BCAR3: variants seen among roughly 807,000 people sequenced by gnomAD.
BCAR3 encodes breast cancer anti-estrogen resistance protein 3.
A neutral mutation model predicts 80.1 loss-of-function variants in BCAR3; 37 were observed. The observed-to-expected ratio is 0.46, with a 90% CI of 0.36 to 0.61. The LOEUF is 0.61. Ranked by LOEUF, BCAR3 falls within the 20% of genes least tolerant of loss-of-function variation. The probability of loss-of-function intolerance (pLI) is 0.00; values close to 1 mark genes in which losing one functional copy is unlikely to be tolerated. For synonymous variants in BCAR3, 389 were observed against 418.9 expected, an observed-to-expected ratio of 0.93 and a Z score of 0.87; for missense variants, 978 against 1,068.2, an observed-to-expected ratio of 0.92 and a Z score of 1.18.
intron 2 of BCAR3, chr1:93,720,323 G>T (rs1290137941): frequency 6.6e-6 from 1 of 152,242 alleles, no homozygotes; most frequent in East Asian, 1.9e-4. Flanking sequence ...AAGACAAAGA[G>T]GGCAAGTTGA....
intron 2 of BCAR3, among the ~76,000 whole-genome samples, chr1:93,735,366 T>G (rs113038083): frequency 2.0e-5 from 3 of 152,160 alleles, no homozygotes; most frequent in African/African-American, 7.2e-5. Context: ...CCTCTCCCAC[T>G]CCTCACATGG....
chr1:93,721,864 C>A (rs1322914972), intron 2 of BCAR3, among the ~76,000 whole-genome samples: 1 of 152,194 alleles, frequency 6.6e-6, no homozygotes, highest in Non-Finnish European at 1.5e-5. Context: ...TGGCTCTGGC[C>A]AGGTTAGGAG....
intron 3 of BCAR3, among the ~76,000 whole-genome samples, chr1:93,697,207 T>C (rs2101969030): frequency 6.6e-6 from 1 of 152,348 alleles, no homozygotes; most frequent in South Asian, 2.1e-4. Flanking sequence ...GGCAGGGATG[T>C]GCATGTGAGT....
chr1:93,828,022 T>C (rs1654430022), intron 2 of BCAR3, among the ~76,000 whole-genome samples: 1 of 152,076 alleles, frequency 6.6e-6, no homozygotes, highest in Non-Finnish European at 1.5e-5. Context: ...TCCCAGTGCT[T>C]TGGGAGGCAG....
At chr1:93,685,693 T>C (rs533249054), upstream of BCAR3, among the ~76,000 whole-genome samples, 1 of 152,298 alleles carries the variant, frequency 6.6e-6, no homozygotes, top group South Asian at 2.1e-4. Flanking sequence ...GTAATTTTGA[T>C]AAATAATGCC....
chr1:93,812,878 G>C (rs779904652), intron 2 of BCAR3, among the ~76,000 whole-genome samples: 1 of 152,188 alleles, frequency 6.6e-6, no homozygotes, highest in African/African-American at 2.4e-5. Context: ...AGTCCTCCAA[G>C]TGGTTCTAAC....
At chr1:93,590,079 T>C (rs992644621) in intron 4 of BCAR3, among the ~76,000 whole-genome samples, 4 of 152,164 alleles carry the variant, frequency 2.6e-5, no homozygotes, top group African/African-American at 9.7e-5. Context: ...GACTGGGGTA[T>C]AGATTCTGGA....
At chr1:93,793,280 G>T (rs1465428719) in intron 2 of BCAR3, among the ~76,000 whole-genome samples, 1 of 58,700 alleles carries the variant, frequency 1.7e-5, no homozygotes, top group South Asian at 9.6e-4. Context: ...AATCCATCTG[G>T]TCCTGGACTC....
intron 2 of BCAR3, among the ~76,000 whole-genome samples, chr1:93,643,518 T>A (rs572238072): frequency 7.4e-5 from 9 of 122,350 alleles, no homozygotes; most frequent in Non-Finnish European, 1.4e-4. Flanking sequence ...CGCACTCCAG[T>A]CTGGGTGACA....
At chr1:93,630,750 G>A (rs1437104113) in intron 3 of BCAR3, among the ~76,000 whole-genome samples, 4 of 152,228 alleles carry the variant, frequency 2.6e-5, no homozygotes, top group Non-Finnish European at 5.9e-5. Context: ...CTGAGGCAGT[G>A]AAATGTGTCA....
Position 93,672,932 on chromosome 1 carries a change from A to G in BCAR3, c.317+1682T>C, listed in dbSNP as rs1648285783. Reference sequence around the variant, plus strand: ...CAACACCAACACTGTTCTCCTCTCAATGTGCTACACTCCAGCCACAGGCCA... The same window carrying G: ...CAACACCAACACTGTTCTCCTCTCAGTGTGCTACACTCCAGCCACAGGCCA... On this transcript the variant is annotated intron_variant, in intron 2 of 11. Transcript: ENST00000260502. Among the ~76,000 whole-genome samples, 2 of 151,220 alleles carry G rather than the reference A, an allele frequency of 1.3e-5. 1 individual carries two copies. The highest frequency in any genetic ancestry group is 4.2e-4 in the South Asian group (2 of 4,816).
intron 2 of BCAR3, among the ~76,000 whole-genome samples, chr1:93,761,733 C>G (rs1425045943): frequency 6.6e-6 from 1 of 152,154 alleles, no homozygotes; most frequent in African/African-American, 2.4e-5. Flanking sequence ...GTAATCTGAA[C>G]ATCCCCAGGC....
chr1:93,802,775 T>C (rs556543782), intron 2 of BCAR3, among the ~76,000 whole-genome samples: 1 of 152,352 alleles, frequency 6.6e-6, no homozygotes, highest in African/African-American at 2.4e-5. Context: ...CAAAATCTTG[T>C]GGCCCACCTT....
At chr1:93,812,405 C>G (rs561497020) in intron 2 of BCAR3, among the ~76,000 whole-genome samples, 1 of 152,268 alleles carries the variant, frequency 6.6e-6, no homozygotes, top group East Asian at 1.9e-4. Flanking sequence ...AAAGCCCTCT[C>G]TCTGTCATGT....
In BCAR3 at chr1:93,714,811, C is replaced by T. The variant is rs559980697; in HGVS notation, c.-62-8669G>A. The stretch of plus-strand genomic sequence containing the variant: ...TGAAGATTTATAAATTAATTAAAAA[C>T]CTAAAAAAGATGATAATAGTCTCAT... On this transcript the variant is annotated intron_variant, in intron 2 of 13. Coordinates refer to the BCAR3 transcript ENST00000370244. Among the ~76,000 whole-genome samples, 246 of 151,918 alleles carry T rather than the reference C, an allele frequency of 1.6e-3. 1 individual carries two copies. The highest frequency in any genetic ancestry group is 5.7e-3 in the African/African-American group (236 of 41,400).
intron 3 of BCAR3, among the ~76,000 whole-genome samples, chr1:93,593,504 G>A (rs1674297163): frequency 1.3e-5 from 2 of 151,832 alleles, no homozygotes; most frequent in South Asian, 4.2e-4. Flanking sequence ...TGGTAGCTAG[G>A]ACTACAACAG....
chr1:93,806,046 TA>T (rs1188940080), intron 2 of BCAR3, among the ~76,000 whole-genome samples: 11 of 152,128 alleles, frequency 7.2e-5, no homozygotes, highest in African/African-American at 2.6e-4. Flanking sequence ...AAATATGATT[TA>T]AAAAAAGATA....
chr1:93,733,344 C>A (rs1272551043), intron 2 of BCAR3, among the ~76,000 whole-genome samples: 1 of 152,124 alleles, frequency 6.6e-6, no homozygotes, highest in African/African-American at 2.4e-5. Flanking sequence ...TGTCCCCCCA[C>A]CCCCCGACCC....
intron 3 of BCAR3, among the ~76,000 whole-genome samples, chr1:93,617,579 G>A (rs1675167316): frequency 6.6e-6 from 1 of 152,200 alleles, no homozygotes; most frequent in South Asian, 2.1e-4. Context: ...GATCAGAACA[G>A]CTCAAAACAT....
Sources: allele counts gnomAD v4.1 joint callset (sites outside exome capture counted in the v4.1 genomes callset), GRCh38; gene constraint gnomAD v4.1.1; transcripts MANE v1.5; gene names NCBI Gene and HGNC (gene_info 2026-07-23, HGNC 2026-07-21).